ZNF839: variants seen among roughly 807,000 people sequenced by gnomAD.
ZNF839 encodes zinc finger protein 839.
A neutral mutation model predicts 56.4 loss-of-function variants in ZNF839; 38 were observed. The observed-to-expected ratio is 0.67, with a 90% CI of 0.52 to 0.88. The LOEUF is 0.88. Ranked by LOEUF, ZNF839 falls within the 40% of genes least tolerant of loss-of-function variation. The pLI is 0.00. For synonymous variants in ZNF839, 486 were observed against 493.5 expected (o/e 0.98, Z 0.20); for missense variants, 1,091 against 1,177.6 (o/e 0.93, Z 1.08).
In ZNF839 at chr14:102,341,913, C is replaced by T. The variant is rs763223140; in HGVS notation, c.2518C>T (p.Leu840Phe). ...ATTGACTGAAGGGTGTCTCAGAAGC[C>T]TTTCGGGGGACTTGAACCGGTTCCC... ...SLLTEGCLRS[L>F]SGDLNRFPCG... The change falls in exon 8 of 8, where the codon CTT becomes TTT. Residue 840 changes from leucine (L) to phenylalanine (F), a missense_variant. By Grantham distance (22) the Leu-to-Phe change is conservative. This residue lies in a region of ZNF839 where 431 missense variants were observed against 468.0 expected (regional missense o/e 0.92). Transcript: ENST00000442396. The T allele has an allele frequency of 1.9e-6, 3 of 1,614,036 alleles. No homozygotes were observed. In the East Asian group the frequency reaches 6.7e-5, roughly 36 times the overall value.
upstream of ZNF839, among the ~76,000 whole-genome samples, chr14:102,318,532 C>A (rs534358184): frequency 2.6e-5 from 4 of 152,028 alleles, no homozygotes; most frequent in East Asian, 7.7e-4. Context: ...ACTCAAGAGG[C>A]TGAGGCAGGA....
intron 2 of ZNF839, among the ~76,000 whole-genome samples, chr14:102,330,119 T>G (rs1158806350): frequency 1.2e-4 from 19 of 152,246 alleles, no homozygotes; most frequent in Non-Finnish European, 7.4e-5. Flanking sequence ...TCTTTGTGAT[T>G]TAGTTTTGGC....
rs373421037 is a variant in ZNF839 at position 102,335,684 on chromosome 14, C to T, written c.1510-5C>T. 39 of 1,587,764 alleles carry T rather than the reference C, an allele frequency of 2.5e-5. No individual in the cohort carries two copies. The highest frequency in any genetic ancestry group is 3.3e-5 in the Non-Finnish European group (39 of 1,175,566). ...ACTTTTTTTTTGGTCTTTATCTTCA[C>T]GAAGGTTGAAAAAGATCATCTAGCA... On this transcript the variant is annotated splice_polypyrimidine_tract_variant and splice_region_variant and intron_variant, in intron 4 of 7. Coordinates refer to ENST00000442396, the MANE Select transcript of ZNF839 (RefSeq NM_018335.6).
chr14:102,328,253 C>G (rs1334076664), intron 2 of ZNF839, among the ~76,000 whole-genome samples: 1 of 147,198 alleles, frequency 6.8e-6, no homozygotes, highest in African/African-American at 2.5e-5. Flanking sequence ...ACTTGAGAGG[C>G]TGAGGCAGGA....
upstream of ZNF839, among the ~76,000 whole-genome samples, chr14:102,317,856 CAAG>C (rs762849163): frequency 9.2e-5 from 14 of 152,152 alleles, no homozygotes; most frequent in Non-Finnish European, 1.5e-4. Flanking sequence ...GAAGCCAGAG[CAAG>C]TGGATGAATT....
Position 102,326,061 on chromosome 14 carries a change from C to A in ZNF839, c.365C>A (p.Thr122Lys). Reference protein sequence around the residue: ...GQERPMLLPTTIQPQTARKSQ... With the variant: ...GQERPMLLPTKIQPQTARKSQ... ...GAAAGGCCAATGCTCCTACCGACCACAATCCAGCCCCAAACTGCAAGAAAG... is the reference window on the plus strand; with the variant it reads ...GAAAGGCCAATGCTCCTACCGACCAAAATCCAGCCCCAAACTGCAAGAAAG... The change falls in exon 2 of 8, where the codon ACA becomes AAA. Residue 122 changes from threonine to lysine, a missense_variant. Coordinates refer to ENST00000442396, the MANE Select transcript of ZNF839 (RefSeq NM_018335.6). The surrounding 1 kb of genome is among the most constrained non-coding windows in gnomAD (Gnocchi z 4.3). 6.2e-7 allele frequency: 1 copy of A among 1,613,818 alleles called. No individual in the cohort carries two copies. Among genetic ancestry groups the A allele is most frequent in the African/African-American group, 1.3e-5 (1 of 75,054 alleles).
rs146521026 is a variant in ZNF839, at chr14:102,331,286, T to C, written c.1192-336T>C. Among the ~76,000 whole-genome samples, 954 of 152,310 alleles carry C rather than the reference T, an allele frequency of 6.3e-3. 9 individuals are homozygous for C. The highest frequency in any genetic ancestry group is 0.021 in the African/African-American group (864 of 41,560). Reference sequence around the variant, plus strand: ...TTTTTGAGACAGAGTTTCCCTCTTGTCACCCAGGCTGGAGTGCAGTGGCAC... The same window carrying C: ...TTTTTGAGACAGAGTTTCCCTCTTGCCACCCAGGCTGGAGTGCAGTGGCAC... On this transcript the variant is annotated intron_variant, in intron 2 of 7. Transcript: ENST00000442396.
chr14:102,339,689 C>T (rs1323373359), intron 7 of ZNF839, among the ~76,000 whole-genome samples: 9 of 151,694 alleles, frequency 5.9e-5, no homozygotes, highest in Admixed American at 5.3e-4. Flanking sequence ...CAGGAGGTTG[C>T]AGTGAGCCGA....
chr14:102,331,478 A>G, intron 2 of ZNF839, 144 bp from the exon 3 acceptor site: 1 of 667,954 alleles, frequency 1.5e-6, no homozygotes, highest in East Asian at 2.8e-5. Flanking sequence ...TCAAACTCCT[A>G]ACCTCAAATG....
rs766903295 is a variant in ZNF839, at chr14:102,334,538, T to A, written c.1417-16T>A. Reference sequence around the variant, plus strand: ...TTACGGGACATTCAAAGGCATGAAATGCTTTCCCTTGGTAGTTCCTCCAGC... The same window carrying A: ...TTACGGGACATTCAAAGGCATGAAAAGCTTTCCCTTGGTAGTTCCTCCAGC... On this transcript the variant is annotated splice_polypyrimidine_tract_variant and intron_variant, in intron 3 of 7. Coordinates refer to ENST00000442396, the MANE Select transcript of ZNF839 (RefSeq NM_018335.6). The A allele has an allele frequency of 6.3e-7, 1 of 1,592,806 alleles. No individual in the cohort carries two copies. Among genetic ancestry groups the A allele is most frequent in the Non-Finnish European group, 8.6e-7 (1 of 1,165,364 alleles).
chr14:102,333,887 C>G (rs3759559), intron 3 of ZNF839, among the ~76,000 whole-genome samples: 14,943 of 152,190 alleles, frequency 0.098, 1,055 homozygotes, highest in East Asian at 0.29. Context: ...GCTGGGAACC[C>G]AGAGCCATTC....
In ZNF839 at chr14:102,326,907, A is replaced by G. The variant is rs2073445224; in HGVS notation, c.1191+20A>G. The G allele has an allele frequency of 6.4e-7, 1 of 1,562,558 alleles. No homozygotes were observed. The highest frequency in any genetic ancestry group is 1.4e-5 in the African/African-American group (1 of 73,072). ...CTGCAGGTAATGTTTCTGTCTGGGTATGTGTCTTTTTATTTGGCCGTTCTC... is the reference window on the plus strand; with the variant it reads ...CTGCAGGTAATGTTTCTGTCTGGGTGTGTGTCTTTTTATTTGGCCGTTCTC... On this transcript the variant is annotated intron_variant, in intron 2 of 7. Transcript: ENST00000442396. The surrounding 1 kb of genome is among the most constrained non-coding windows in gnomAD (Gnocchi z 4.3).
chr14:102,340,929 G>C (rs1886435780), intron 7 of ZNF839, among the ~76,000 whole-genome samples: 1 of 152,018 alleles, frequency 6.6e-6, no homozygotes, highest in Admixed American at 6.6e-5. Flanking sequence ...AATTAGCTGG[G>C]CATGGTGGCG....
chr14:102,327,172 G>T (rs754607701), intron 2 of ZNF839, among the ~76,000 whole-genome samples: 1 of 151,918 alleles, frequency 6.6e-6, no homozygotes, highest in African/African-American at 2.4e-5. Context: ...ATGGATCCTC[G>T]CTCTGTCATC....
In ZNF839 at chr14:102,331,939, C is replaced by G. The variant is rs2073806159; in HGVS notation, c.1416+93C>G. The G allele has an allele frequency of 8.6e-6, 9 of 1,041,922 alleles. No homozygotes were observed. The South Asian group carries it at 1.4e-4, about 17-fold the overall frequency. 64.5% of individuals were successfully genotyped at this position (1,041,922 alleles called of 1,614,324 possible). A position where few individuals can be genotyped will look rare whatever the true frequency, so the allele number is the denominator to read the frequency against. On this transcript the variant is annotated intron_variant, in intron 3 of 7. Transcript: ENST00000442396. ...TTTCTGAATCACCTAAGCAGTTCAC[C>G]TGAAATGTCATTGCATTAAGTGTGT...
rs1567285206 is a variant in ZNF839 at position 102,326,101 on chromosome 14, G to A, written c.405G>A (p.Arg135=). ...PQTARKSQLP[R]GNSCLVGLHI... is the part of the protein sequence containing the mutation. ...CTGCAAGAAAGAGCCAGCTGCCCCGGGGGAATTCCTGCCTGGTGGGGCTCC... is the reference window on the plus strand; with the variant it reads ...CTGCAAGAAAGAGCCAGCTGCCCCGAGGGAATTCCTGCCTGGTGGGGCTCC... Residue 135 remains arginine (R), a synonymous_variant, in exon 2 of 8, where the codon CGG becomes CGA. Transcript: ENST00000442396. The surrounding 1 kb of genome is among the most constrained non-coding windows in gnomAD (Gnocchi z 4.3). 4.3e-6 allele frequency: 7 copies of A among 1,613,954 alleles called. No individual in the cohort carries two copies. Among genetic ancestry groups the A allele is most frequent in the Non-Finnish European group, 5.9e-6 (7 of 1,179,862 alleles).
upstream of ZNF839, among the ~76,000 whole-genome samples, chr14:102,319,043 GA>G: frequency 6.6e-6 from 1 of 152,372 alleles, no homozygotes; most frequent in East Asian, 1.9e-4. The surrounding 1 kb of genome is among the most constrained non-coding windows in gnomAD (Gnocchi z 4.5). Context: ...TCAACCGTAA[GA>G]AGGAGAGGCG....
chr14:102,319,811 G>A lies in ZNF839; in HGVS notation c.46G>A (p.Gly16Ser), dbSNP rs1433609560. ...GGCTGGGGGCGGCAGCGAGGATGGC[G>A]GCGGCGGCGGCGGCCCGGCTCCTCC... ...PEAGGGSEDG[G>S]GGGGPAPPGQ... Residue 16 changes from glycine (G) to serine (S), a missense_variant, in exon 1 of 8, where the codon GGC (glycine) becomes AGC (serine). Around this residue, in one of 3 missense-constraint regions of ZNF839, gnomAD observed 614 missense variants for 629.2 expected, o/e 0.98. Coordinates refer to ENST00000442396, the MANE Select transcript of ZNF839 (RefSeq NM_018335.6). The surrounding 1 kb of genome is among the most constrained non-coding windows in gnomAD (Gnocchi z 4.5). 3 of 1,232,354 alleles carry A rather than the reference G, an allele frequency of 2.4e-6. No homozygotes were observed. The Admixed American group carries it at 1.3e-4, about 52-fold the overall frequency. The allele number at this position is 1,232,354 out of a possible 1,614,324, so 76.3% of individuals were successfully genotyped here.
At position 102,332,368 on chromosome 14, in the gene ZNF839, C is replaced by T. The variant is rs2073827847; in HGVS notation, c.1416+522C>T. ...CAGGCTGGTCTCAAACTCCCGACCT[C>T]GTGATCCACCCGCCTTGGCTTCCCA... On this transcript the variant is annotated intron_variant, in intron 3 of 7. Coordinates refer to ENST00000442396, the MANE Select transcript of ZNF839 (RefSeq NM_018335.6). This position sits in a 1 kb window ranked among gnomAD's most constrained non-coding sequence, Gnocchi z 4.9. Among the ~76,000 whole-genome samples, 1 of 151,946 alleles carries T rather than the reference C, an allele frequency of 6.6e-6. No homozygotes were observed. The highest frequency in any genetic ancestry group is 1.5e-5 in the Non-Finnish European group (1 of 67,970).
Sources: allele counts gnomAD v4.1 joint callset (sites outside exome capture counted in the v4.1 genomes callset), GRCh38; gene constraint gnomAD v4.1.1; regional missense constraint gnomAD v4.1.1; non-coding constraint Gnocchi (gnomAD v3.1); transcripts MANE v1.5; gene names NCBI Gene and HGNC (gene_info 2026-07-23, HGNC 2026-07-21).